METTL16: variants seen among roughly 807,000 people sequenced by gnomAD.
METTL16 encodes the protein methyltransferase 16, RNA N6-adenosine.
METTL16 carries 19 observed loss-of-function variants against 57.9 expected under a neutral mutation model. The ratio of observed to expected loss-of-function variants is 0.33; its 90% CI spans 0.23 to 0.48. The LOEUF (loss-of-function observed/expected upper bound fraction) is 0.48, where lower values mean the gene tolerates loss of function less well. Among genes scored for constraint, METTL16 ranks in the 20% least tolerant of loss-of-function variants. The pLI is 0.99. For synonymous variants in METTL16, 246 were observed against 255.6 expected, an observed-to-expected ratio of 0.96 and a Z score of 0.36; for missense variants, 434 against 691.5, an observed-to-expected ratio of 0.63 and a Z score of 4.18.
rs2066951382 is a variant in METTL16, at chr17:2,441,491, C to G, written c.797G>C (p.Gly266Ala). ...APLKEELRIQ[G>A]VPKVTYTEFC... ...AGAACAGTAATGAGGAAGCCTCACC[C>G]CTTGTATGCGAAGCTCCTCCTTCAG... Residue 266 changes from glycine (G) to alanine (A), a missense_variant and splice_region_variant, in exon 7 of 10, where the codon GGG becomes GCG. This residue lies in a region of METTL16 where 96 missense variants were observed against 138.3 expected (regional missense o/e 0.69). Transcript: ENST00000263092. 1.3e-6 allele frequency: 2 copies of G among 1,593,178 alleles called. No homozygotes were observed. Among genetic ancestry groups the G allele is most frequent in the Non-Finnish European group, 8.6e-7 (1 of 1,168,156 alleles).
At chr17:2,421,575 G>T (rs967297085) in intron 8 of METTL16, among the ~76,000 whole-genome samples, 3 of 152,060 alleles carry the variant, frequency 2.0e-5, no homozygotes, top group Non-Finnish European at 4.4e-5. Context: ...AACGTCCTTC[G>T]TGTACCTGTG....
Position 2,428,605 on chromosome 17 carries a change from A to AT in METTL16, c.889-7702dup, listed in dbSNP as rs2151543755. On this transcript the variant is annotated intron_variant, in intron 8 of 9. Coordinates refer to ENST00000263092, the MANE Select transcript of METTL16 (RefSeq NM_024086.4). ...TATATATATATATATATATATATAA[A>AT]TTGTAATACAGCGGGGCACAGTGGC... 2.1e-5 allele frequency among the ~76,000 whole-genome samples: 2 copies of AT among 96,272 alleles called. 1 individual carries two copies. The highest frequency in any genetic ancestry group is 8.1e-5 in the African/African-American group (2 of 24,820). The allele number at this position is 96,272 out of a possible 152,430, so 63.2% of individuals were successfully genotyped here.
At chr17:2,480,786 A>G (rs957769138) in intron 2 of METTL16, among the ~76,000 whole-genome samples, 1 of 152,240 alleles carries the variant, frequency 6.6e-6, no homozygotes, top group African/African-American at 2.4e-5. Flanking sequence ...ACATGAGTCC[A>G]TCCTTAAATG....
chr17:2,417,328 C>G lies in METTL16; in HGVS notation c.*2642G>C, dbSNP rs1345308466. The G allele has an allele frequency of 6.6e-6, 1 of 152,144 alleles. No individual in the cohort carries two copies. Among genetic ancestry groups the G allele is most frequent in the Non-Finnish European group, 1.5e-5 (1 of 68,076 alleles). The allele number at this position is 152,144 out of a possible 1,614,324, so 9.4% of individuals were successfully genotyped here. On this transcript the variant is annotated 3_prime_UTR_variant, in exon 10 of 10. Coordinates refer to ENST00000263092, the MANE Select transcript of METTL16 (RefSeq NM_024086.4). ...ATGCGCCCATCTCAGCCTCACAGTGCTGGGATTACAGGCGTGAGCCACTGC... is the reference window on the plus strand; with the variant it reads ...ATGCGCCCATCTCAGCCTCACAGTGGTGGGATTACAGGCGTGAGCCACTGC...
At chr17:2,476,698 G>A (rs2067270806) in intron 3 of METTL16, among the ~76,000 whole-genome samples, 1 of 152,242 alleles carries the variant, frequency 6.6e-6, no homozygotes, top group Admixed American at 6.5e-5. Flanking sequence ...GCTCACGCCT[G>A]TAATCCCAGC....
intron 6 of METTL16, among the ~76,000 whole-genome samples, chr17:2,458,811 T>A (rs1162564675): frequency 6.6e-6 from 1 of 151,868 alleles, no homozygotes; most frequent in African/African-American, 2.4e-5. Flanking sequence ...GTCCCTTTTT[T>A]TTTTTTCTTT....
chr17:2,497,907 C>A (rs780923016), intron 2 of METTL16, among the ~76,000 whole-genome samples: 1 of 151,684 alleles, frequency 6.6e-6, no homozygotes, highest in Non-Finnish European at 1.5e-5. Context: ...AAAAATATAC[C>A]TCTTAGGCCC....
chr17:2,454,557 A>AT (rs1263459882), intron 6 of METTL16, among the ~76,000 whole-genome samples: 40 of 140,494 alleles, frequency 2.8e-4, no homozygotes, highest in African/African-American at 1.1e-3. Flanking sequence ...CTATATTATT[A>AT]TTATTATTTT....
At chr17:2,483,207 C>T (rs2067319138) in intron 2 of METTL16, among the ~76,000 whole-genome samples, 1 of 152,012 alleles carries the variant, frequency 6.6e-6, no homozygotes, top group African/African-American at 2.4e-5. Flanking sequence ...AAAAGCTTAA[C>T]CAAAAGTATC....
chr17:2,457,569 A>T (rs1209645675), intron 6 of METTL16, among the ~76,000 whole-genome samples: 2 of 151,270 alleles, frequency 1.3e-5, no homozygotes, highest in Non-Finnish European at 2.9e-5. Flanking sequence ...TTAGCCAGGC[A>T]TGGTGGCGCG....
At chr17:2,426,192 G>C (rs2066816894) in intron 8 of METTL16, among the ~76,000 whole-genome samples, 1 of 152,082 alleles carries the variant, frequency 6.6e-6, no homozygotes, top group Non-Finnish European at 1.5e-5. Context: ...GTGGAAAGGG[G>C]ACAGGGCAGA....
intron 8 of METTL16, among the ~76,000 whole-genome samples, chr17:2,425,940 A>G (rs2066814829): frequency 6.6e-6 from 1 of 151,060 alleles, no homozygotes; most frequent in South Asian, 2.2e-4. Flanking sequence ...CTAAATCTCA[A>G]TGATGCCATC....
At chr17:2,495,653 C>T (rs2067439022) in intron 2 of METTL16, among the ~76,000 whole-genome samples, 1 of 148,202 alleles carries the variant, frequency 6.7e-6, no homozygotes, top group African/African-American at 2.5e-5. Flanking sequence ...TGAGATCCGG[C>T]CACTGCACCC....
chr17:2,451,672 A>T (rs2067071042), intron 6 of METTL16, among the ~76,000 whole-genome samples: 4 of 152,048 alleles, frequency 2.6e-5, no homozygotes, highest in African/African-American at 9.7e-5. Context: ...TGGATTCATT[A>T]ACCAGGAATT....
chr17:2,440,499 G>A (rs866684396), intron 7 of METTL16, among the ~76,000 whole-genome samples: 26 of 152,066 alleles, frequency 1.7e-4, no homozygotes, highest in African/African-American at 2.9e-4. Context: ...CGCCCACATC[G>A]GCCTGCCAAA....
intron 5 of METTL16, among the ~76,000 whole-genome samples, chr17:2,466,020 C>T (rs1364520771): frequency 6.6e-6 from 1 of 151,958 alleles, no homozygotes; most frequent in African/African-American, 2.4e-5. Flanking sequence ...TGGCGAAACC[C>T]CGTCTCTACT....
In METTL16 at chr17:2,419,805, G is replaced by T; in HGVS notation, c.*165C>A. On this transcript the variant is annotated 3_prime_UTR_variant, in exon 10 of 10. Transcript: ENST00000263092. ...TACGACTCCCTGTAACTCAAAAAGC[G>T]GGAAGGAGGCGGGGGGAGGTGGGGG... is the stretch of plus-strand genomic sequence containing the variant. 1 of 827,680 alleles carries T rather than the reference G, an allele frequency of 1.2e-6. No individual in the cohort carries two copies. The highest frequency in any genetic ancestry group is 2.0e-6 in the Non-Finnish European group (1 of 504,860). The allele number at this position is 827,680 out of a possible 1,614,324, so 51.3% of individuals were successfully genotyped here. A position where few individuals can be genotyped will look rare whatever the true frequency, so the allele number is the denominator to read the frequency against.
intron 2 of METTL16, among the ~76,000 whole-genome samples, chr17:2,500,915 A>G (rs993540523): frequency 6.6e-6 from 1 of 152,040 alleles, no homozygotes; most frequent in East Asian, 1.9e-4. Flanking sequence ...CCAGGAGTTC[A>G]AGACCAGTCT....
intron 2 of METTL16, among the ~76,000 whole-genome samples, chr17:2,485,272 A>T (rs972322221): frequency 6.6e-6 from 1 of 152,160 alleles, no homozygotes; most frequent in Non-Finnish European, 1.5e-5. Flanking sequence ...TCACCCCCAT[A>T]TGGGACCGTC....
Sources: gnomAD v4.1 joint callset for allele counts (sites outside exome capture counted in the v4.1 genomes callset) on GRCh38, gnomAD v4.1.1 for gene constraint, gnomAD v4.1.1 regional missense constraint, MANE v1.5 for transcripts, NCBI Gene and HGNC (gene_info 2026-07-23, HGNC 2026-07-21) for gene names.